Variants in ZNF143 observed in about 807,000 individuals in gnomAD.
The protein encoded by ZNF143 is SPH-binding factor.
A neutral mutation model predicts 74.1 loss-of-function variants in ZNF143; 49 were observed. That is an observed-to-expected ratio of 0.66 (90% CI 0.53 to 0.84). The LOEUF is 0.84. Among genes scored for constraint, ZNF143 ranks in the 40% least tolerant of loss-of-function variants. ZNF143 has a pLI of 0.00. For missense variants in ZNF143, 637 were observed against 793.4 expected, an observed-to-expected ratio of 0.80 and a Z score of 2.37; for synonymous variants, 304 against 282.8, an observed-to-expected ratio of 1.07 and a Z score of -0.75.
In ZNF143 at chr11:9,523,055, C is replaced by G. The variant is rs368979671; in HGVS notation, c.1687-2185C>G. Among the ~76,000 whole-genome samples, 18 of 152,304 alleles carry G rather than the reference C, an allele frequency of 1.2e-4. No homozygotes were observed. In the South Asian group the frequency reaches 2.1e-3, roughly 18 times the overall value. On this transcript the variant is annotated intron_variant, in intron 14 of 15. Transcript: ENST00000396602. The stretch of plus-strand genomic sequence containing the variant: ...AAGTGCTAGGATTACAAGCGTGAGC[C>G]ATCATGCCTGGCTAAGCAATTGTAA...
rs747286253 is a variant in ZNF143 at position 9,478,471 on chromosome 11, C to T, written c.455C>T (p.Pro152Leu). The T allele has an allele frequency of 3.1e-6, 5 of 1,614,026 alleles. No individual in the cohort carries two copies. The highest frequency in any genetic ancestry group is 1.7e-5 in the Admixed American group (1 of 60,000). ...TATATCCACCATGCAGTGCAAGTCC[C>T]GCAGTCTGACACCATCTTGGCAATT... ...TAYIHHAVQV[P>L]QSDTILAIQA... The change falls in exon 6 of 16, where the codon CCG becomes CTG. Residue 152 changes from proline to leucine, a missense_variant. Physicochemically the swap from Pro to Leu is moderately conservative, Grantham distance 98 (BLOSUM62 -3). This residue lies in a region of ZNF143 where 293 missense variants were observed against 307.8 expected (regional missense o/e 0.95). Coordinates refer to ENST00000396602, the MANE Select transcript of ZNF143 (RefSeq NM_003442.6).
At chr11:9,480,363 T>G (rs1398269743) in intron 7 of ZNF143, among the ~76,000 whole-genome samples, 1 of 152,202 alleles carries the variant, frequency 6.6e-6, no homozygotes, top group Non-Finnish European at 1.5e-5. Context: ...CTCAGCAATT[T>G]TCTCTAATAT....
intron 5 of ZNF143, among the ~76,000 whole-genome samples, chr11:9,476,744 A>ATTTTTTT (rs1465968655): frequency 4.8e-4 from 22 of 45,972 alleles, no homozygotes; most frequent in Non-Finnish European, 8.2e-4. Flanking sequence ...AAAGGGAGGA[A>ATTTTTTT]TCTTTTTTTT....
intron 1 of ZNF143, among the ~76,000 whole-genome samples, chr11:9,464,391 A>T (rs1856063718): frequency 6.6e-6 from 1 of 152,068 alleles, no homozygotes; most frequent in Non-Finnish European, 1.5e-5. Context: ...TCCTGAGGTC[A>T]GGAATTTGAG....
At chr11:9,525,464 T>C (rs1307092647) in intron 15 of ZNF143, 78 bp downstream of exon 15, 11 of 1,578,780 alleles carry the variant, frequency 7.0e-6, no homozygotes, top group African/African-American at 1.3e-5. Flanking sequence ...GTGCTTCGTG[T>C]ATAACCTTTA....
At chr11:9,476,023 A>G (rs1413051631) in intron 5 of ZNF143, among the ~76,000 whole-genome samples, 1 of 152,040 alleles carries the variant, frequency 6.6e-6, no homozygotes, top group African/African-American at 2.4e-5. Context: ...AATGTCAAAA[A>G]TATTTGAAGC....
chr11:9,515,466 G>A (rs955846661), intron 13 of ZNF143, among the ~76,000 whole-genome samples: 1 of 151,650 alleles, frequency 6.6e-6, no homozygotes, highest in South Asian at 2.1e-4. Context: ...TGTCTAACAC[G>A]GTGAAACCTC....
intron 11 of ZNF143, among the ~76,000 whole-genome samples, chr11:9,505,797 T>G (rs1361956159): frequency 4.7e-5 from 7 of 149,878 alleles, no homozygotes; most frequent in African/African-American, 1.5e-4. Flanking sequence ...GAGAGTTGCT[T>G]GAACCTGGGA....
intron 7 of ZNF143, among the ~76,000 whole-genome samples, chr11:9,481,625 C>T (rs1387887347): frequency 5.3e-5 from 8 of 151,924 alleles, no homozygotes; most frequent in East Asian, 1.9e-4. Flanking sequence ...CAGTGACTCA[C>T]GCCTGTAATC....
intron 1 of ZNF143, among the ~76,000 whole-genome samples, chr11:9,468,915 C>T (rs969612700): frequency 6.6e-6 from 1 of 152,086 alleles, no homozygotes; most frequent in Non-Finnish European, 1.5e-5. Flanking sequence ...ATGCAGATCA[C>T]TTGAGGTCAG....
chr11:9,525,496 A>G (rs1849092275), intron 15 of ZNF143, 110 bp downstream of exon 15: 1 of 1,401,930 alleles, frequency 7.1e-7, no homozygotes, highest in African/African-American at 1.4e-5. Flanking sequence ...GTGTAGAATA[A>G]TCTCTATCAC....
At chr11:9,487,277 C>G (rs560069315) in intron 7 of ZNF143, among the ~76,000 whole-genome samples, 2 of 151,526 alleles carry the variant, frequency 1.3e-5, no homozygotes, top group Non-Finnish European at 2.9e-5. Context: ...ACAGTATGTC[C>G]TTTATAGACA....
intron 5 of ZNF143, among the ~76,000 whole-genome samples, chr11:9,475,590 C>G (rs1056288477): frequency 1.3e-5 from 2 of 152,126 alleles, no homozygotes; most frequent in African/African-American, 2.4e-5. Flanking sequence ...CTATTTCTTC[C>G]TCTTAAATGC....
chr11:9,483,130 A>T lies in ZNF143; in HGVS notation c.645+3584A>T, dbSNP rs2133948620. ...TGCCTCAGCCTCCCGAATAGCTGGGATTACAGGCATGCACCACCACACCCA... is the reference window on the plus strand; with the variant it reads ...TGCCTCAGCCTCCCGAATAGCTGGGTTTACAGGCATGCACCACCACACCCA... On this transcript the variant is annotated intron_variant, in intron 7 of 15. Transcript: ENST00000396602. 1.3e-5 allele frequency among the ~76,000 whole-genome samples: 2 copies of T among 150,426 alleles called. 1 individual carries two copies. Among genetic ancestry groups the T allele is most frequent in the African/African-American group, 5.0e-5 (2 of 40,242 alleles).
At chr11:9,516,112 C>T in intron 13 of ZNF143, 89 bp from the exon 14 acceptor site, 1 of 1,301,514 alleles carries the variant, frequency 7.7e-7, no homozygotes, top group South Asian at 1.4e-5. Context: ...ACAGGGCAAA[C>T]TTATACAAGG....
rs1590494870 is a variant in ZNF143 at position 9,468,361 on chromosome 11, A to G, written c.-7-2941A>G. ...TGCTCTCAGCTCTTTCCTGACAGGT[A>G]TTTTTAGCTTTAAGCCTAGTAGGTC... On this transcript the variant is annotated intron_variant, in intron 1 of 15. Transcript: ENST00000396602. 2.0e-5 allele frequency among the ~76,000 whole-genome samples: 3 copies of G among 152,312 alleles called. No homozygotes were observed. In the Middle Eastern group the frequency reaches 0.01, roughly 518 times the overall value.
chr11:9,486,731 T>C (rs575522003), intron 7 of ZNF143, among the ~76,000 whole-genome samples: 3 of 150,072 alleles, frequency 2.0e-5, no homozygotes, highest in African/African-American at 7.5e-5. Context: ...TGCAGTGGTG[T>C]AATCTCGGCT....
rs1173014568 is a variant in ZNF143 at position 9,513,083 on chromosome 11, T to C, written c.1524+487T>C. Among the ~76,000 whole-genome samples the C allele has an allele frequency of 3.3e-5, 5 of 152,334 alleles. No homozygotes were observed. In the East Asian group the frequency reaches 7.7e-4, roughly 23 times the overall value. ...TCCCCCCAGGAAAAGCACAGTGTAA[T>C]GGTTGTTCTCTGTTAGCCAAACTTG... On this transcript the variant is annotated intron_variant, in intron 13 of 15. Transcript: ENST00000396602.
At chr11:9,477,513 C>G (rs1857006544) in intron 5 of ZNF143, among the ~76,000 whole-genome samples, 1 of 152,078 alleles carries the variant, frequency 6.6e-6, no homozygotes, top group African/African-American at 2.4e-5. Context: ...GCTTGGCCTC[C>G]CAAAGTGTTG....
Sources: allele counts gnomAD v4.1 joint callset (sites outside exome capture counted in the v4.1 genomes callset), GRCh38; gene constraint gnomAD v4.1.1; regional missense constraint gnomAD v4.1.1; transcripts MANE v1.5; gene names NCBI Gene and HGNC (gene_info 2026-07-23, HGNC 2026-07-21).